The following ZFYVE26 variants were observed in gnomAD, a reference collection of about 807,000 sequenced individuals.
ZFYVE26 encodes zinc finger FYVE domain-containing protein 26.
Under a neutral mutation model 276.5 loss-of-function variants are expected in ZFYVE26, and 181 were observed. The ratio of observed to expected loss-of-function variants is 0.65; its 90% CI spans 0.58 to 0.74. ZFYVE26 has a LOEUF of 0.74. Ranked by LOEUF, ZFYVE26 falls within the 30% of genes least tolerant of loss-of-function variation. ZFYVE26 has a pLI of 0.00. For synonymous variants in ZFYVE26, 1,129 were observed against 1,203.1 expected (o/e 0.94, Z 1.27); for missense variants, 2,821 against 3,097.9 (o/e 0.91, Z 2.12).
intron 10 of ZFYVE26, chr14:67,799,151 T>A: frequency 6.5e-7 from 1 of 1,539,994 alleles, no homozygotes; most frequent in South Asian, 1.1e-5. Context: ...TAAAAAGATA[T>A]CTTTAGAGGA....
At chr14:67,775,151 A>C in intron 26 of ZFYVE26, 37 bp from the exon 27 acceptor site, 2 of 1,444,740 alleles carry the variant, frequency 1.4e-6, no homozygotes, top group Non-Finnish European at 1.9e-6. Context: ...ATATGGTTCT[A>C]CCATAAGTAT....
chr14:67,802,774 A>C (rs756176466), intron 9 of ZFYVE26, among the ~76,000 whole-genome samples: 3 of 152,104 alleles, frequency 2.0e-5, no homozygotes, highest in Admixed American at 6.5e-5. Context: ...CAAGCTGCCT[A>C]TCTTTCCAGA....
intron 28 of ZFYVE26, 89 bp from the exon 29 acceptor site, chr14:67,769,819 T>C (rs544388973): frequency 4.8e-4 from 744 of 1,566,098 alleles, no homozygotes; most frequent in Middle Eastern, 1.0e-3. Context: ...TAACTACCAG[T>C]GGCTTATACT....
At chr14:67,769,773 A>T (rs1272522049) in intron 28 of ZFYVE26, 43 bp from the exon 29 acceptor site, 1 of 1,613,232 alleles carries the variant, frequency 6.2e-7, no homozygotes, top group South Asian at 1.1e-5. Context: ...GGAGGAGAGA[A>T]GGGGAGATTG....
At chr14:67,776,649 T>C (rs2140213510) in intron 25 of ZFYVE26, among the ~76,000 whole-genome samples, 1 of 152,344 alleles carries the variant, frequency 6.6e-6, no homozygotes, top group East Asian at 1.9e-4. Context: ...TAATGAAACC[T>C]GGCACCTCCT....
intron 19 of ZFYVE26, 24 bp downstream of exon 19, chr14:67,785,035 T>C: frequency 1.2e-6 from 2 of 1,612,752 alleles, no homozygotes; most frequent in Non-Finnish European, 1.7e-6. Context: ...GCCATGAATC[T>C]ATTGCCTCTT....
chr14:67,810,937 C>T (rs1301212103), intron 3 of ZFYVE26, among the ~76,000 whole-genome samples: 2 of 152,116 alleles, frequency 1.3e-5, no homozygotes, highest in African/African-American at 4.8e-5. Flanking sequence ...GTTTAGAGCA[C>T]AAGACCTAAC....
intron 35 of ZFYVE26, 68 bp downstream of exon 35, chr14:67,761,298 A>G: frequency 1.4e-6 from 2 of 1,425,328 alleles, no homozygotes; most frequent in South Asian, 2.4e-5. Context: ...TGTCCCGCTT[A>G]AGGCTGAGTG....
At chr14:67,772,024 C>T in intron 28 of ZFYVE26, 23 bp downstream of exon 28, 1 of 1,608,764 alleles carries the variant, frequency 6.2e-7, no homozygotes, top group South Asian at 1.1e-5. Flanking sequence ...CTGAGGGTGA[C>T]AGTGGAGACC....
chr14:67,729,078 G>A, intron 14 of ZFYVE26: 1 of 1,073,354 alleles, frequency 9.3e-7, no homozygotes, highest in Non-Finnish European at 1.4e-6. Context: ...CTGAATCCTG[G>A]GGTTATGTTT....
At chr14:67,778,356 C>A in intron 23 of ZFYVE26, 108 bp from the exon 24 acceptor site, 2 of 1,405,348 alleles carry the variant, frequency 1.4e-6, no homozygotes, top group Non-Finnish European at 2.0e-6. Context: ...CTGATGGGAA[C>A]TTCACTATGA....
At chr14:67,750,785 A>G in intron 41 of ZFYVE26, 1 of 541,162 alleles carries the variant, frequency 1.8e-6, no homozygotes, top group Non-Finnish European at 3.3e-6. Context: ...TCAGTATAAA[A>G]TGGAGATTCA....
chr14:67,765,146 T>C (rs1258426791), intron 32 of ZFYVE26, among the ~76,000 whole-genome samples: 1 of 152,216 alleles, frequency 6.6e-6, no homozygotes, highest in African/African-American at 2.4e-5. Flanking sequence ...TGAAAAATGA[T>C]GTAGAATCTA....
At chr14:67,799,184 T>G (rs1448441067) in intron 10 of ZFYVE26, 1 of 1,597,840 alleles carries the variant, frequency 6.3e-7, no homozygotes, top group African/African-American at 1.3e-5. Context: ...TGAAAAGACA[T>G]ACAAAGGTTC....
At chr14:67,762,517 T>C (rs1179123373) in intron 33 of ZFYVE26, 105 bp from the exon 34 acceptor site, 2 of 1,528,418 alleles carry the variant, frequency 1.3e-6, no homozygotes, top group Non-Finnish European at 1.8e-6. Context: ...ATTCCCACTA[T>C]CTGCCATTAC....
intron 27 of ZFYVE26, 85 bp downstream of exon 27, chr14:67,774,931 C>A (rs199882638): frequency 1.5e-4 from 124 of 810,608 alleles, no homozygotes; most frequent in South Asian, 2.2e-4. Context: ...AAAAAAGAAG[C>A]AAAAAAAAAA....
chr14:67,794,061 C>A, intron 13 of ZFYVE26, 110 bp downstream of exon 13: 2 of 1,265,212 alleles, frequency 1.6e-6, no homozygotes, highest in Non-Finnish European at 2.3e-6. Flanking sequence ...CATCTGCCAA[C>A]CTTGAATAAC....
In ZFYVE26 at chr14:67,775,943, G is replaced by A. The variant is rs1224362473; in HGVS notation, c.5138C>T (p.Thr1713Ile). 1.9e-6 allele frequency: 3 copies of A among 1,614,102 alleles called. No individual in the cohort carries two copies. Among genetic ancestry groups the A allele is most frequent in the Non-Finnish European group, 2.5e-6 (3 of 1,180,046 alleles). The change falls in exon 26 of 42, where the codon ACT becomes ATT. Residue 1713 changes from threonine to isoleucine, a missense_variant. Physicochemically the swap from Thr to Ile is moderately conservative, Grantham distance 89. Transcript: ENST00000347230. ...QLLVGQEIGF[T>I]MDEVDSLLSR... Reference sequence around the variant, plus strand: ...AAGCAGTGAGTCCACCTCGTCCATAGTGAAGCCAATCTCCTGTCCAACCAG... The same window carrying A: ...AAGCAGTGAGTCCACCTCGTCCATAATGAAGCCAATCTCCTGTCCAACCAG...
chr14:67,781,100 T>C (rs2039486575), intron 22 of ZFYVE26, among the ~76,000 whole-genome samples: 1 of 152,196 alleles, frequency 6.6e-6, no homozygotes, highest in South Asian at 2.1e-4. Flanking sequence ...CCAATGTTAA[T>C]TTTGTTATTT....
Sources: allele counts gnomAD v4.1 joint callset (sites outside exome capture counted in the v4.1 genomes callset), GRCh38; gene constraint gnomAD v4.1.1; transcripts MANE v1.5; gene names NCBI Gene and HGNC (gene_info 2026-07-23, HGNC 2026-07-21).